The following SAMD3 variants were observed in gnomAD, a reference collection of about 807,000 sequenced individuals.
SAMD3 encodes the protein sterile alpha motif domain containing 3.
A neutral mutation model predicts 58.5 loss-of-function variants in SAMD3; 63 were observed. The observed-to-expected ratio is 1.08, with a 90% CI of 0.88 to 1.33. The LOEUF (loss-of-function observed/expected upper bound fraction) is 1.33. Among genes scored for constraint, SAMD3 ranks in the 40% most tolerant of loss-of-function variants. SAMD3 has a pLI of 0.00. For synonymous variants in SAMD3, 220 were observed against 210.3 expected (o/e 1.05, Z -0.40); for missense variants, 604 against 608.4 (o/e 0.99, Z 0.08).
intron 8 of SAMD3, among the ~76,000 whole-genome samples, chr6:130,174,190 CTG>C (rs1791511042): frequency 6.6e-6 from 1 of 152,148 alleles, no homozygotes; most frequent in South Asian, 2.1e-4. Flanking sequence ...TTGAACAGTT[CTG>C]TCTCACTGGG....
At chr6:130,154,802 A>T in intron 9 of SAMD3, 23 bp downstream of exon 9, 1 of 1,254,010 alleles carries the variant, frequency 8.0e-7, no homozygotes, top group Non-Finnish European at 1.1e-6. Context: ...ATGTGTGTGT[A>T]TATATATATA....
intron 7 of SAMD3, among the ~76,000 whole-genome samples, chr6:130,177,839 C>T: frequency 6.6e-6 from 1 of 152,150 alleles, no homozygotes; most frequent in East Asian, 1.9e-4. Flanking sequence ...ATGCTAGAAA[C>T]TATAAATGTT....
intron 1 of SAMD3, among the ~76,000 whole-genome samples, chr6:130,334,314 G>A (rs1390361388): frequency 6.6e-6 from 1 of 151,920 alleles, no homozygotes; most frequent in Non-Finnish European, 1.5e-5. Context: ...TAAGCCATGG[G>A]CATATTATTA....
At chr6:130,246,506 T>C (rs1271215465) in intron 2 of SAMD3, among the ~76,000 whole-genome samples, 1 of 130,798 alleles carries the variant, frequency 7.6e-6, no homozygotes, top group Non-Finnish European at 1.5e-5. Context: ...GCACTTGTAT[T>C]GGTATTTTTT....
At chr6:130,233,966 TC>T (rs561819317) in intron 2 of SAMD3, among the ~76,000 whole-genome samples, 245 of 152,340 alleles carry the variant, frequency 1.6e-3, no homozygotes, top group Middle Eastern at 6.8e-3. Flanking sequence ...TAGAATGAAT[TC>T]CCCAGAGAAT....
chr6:130,318,766 G>A (rs537880305), intron 1 of SAMD3, among the ~76,000 whole-genome samples: 1 of 152,116 alleles, frequency 6.6e-6, no homozygotes, highest in African/African-American at 2.4e-5. Flanking sequence ...AAAGACACAG[G>A]AAAACAGGGC....
intron 2 of SAMD3, among the ~76,000 whole-genome samples, chr6:130,306,697 T>C (rs976366539): frequency 2.0e-5 from 3 of 152,164 alleles, no homozygotes; most frequent in African/African-American, 7.2e-5. Flanking sequence ...CAAAGATAAG[T>C]GTATACAGGG....
chr6:130,165,258 C>T (rs752603845), intron 8 of SAMD3, among the ~76,000 whole-genome samples: 7 of 152,020 alleles, frequency 4.6e-5, no homozygotes, highest in South Asian at 2.1e-4. Context: ...TTATTTAAAA[C>T]GCTTAAAGCA....
chr6:130,178,285 C>T (rs1360946616), intron 7 of SAMD3, among the ~76,000 whole-genome samples: 1 of 152,072 alleles, frequency 6.6e-6, no homozygotes, highest in East Asian at 1.9e-4. Flanking sequence ...GCTGGCCCAA[C>T]CCTTCTTGAA....
intron 2 of SAMD3, among the ~76,000 whole-genome samples, chr6:130,311,452 C>T (rs1776157996): frequency 6.6e-6 from 1 of 152,074 alleles, no homozygotes; most frequent in African/African-American, 2.4e-5. Context: ...AGCAGTATTC[C>T]GAAGTTTTCT....
At chr6:130,230,652 T>G (rs190630293) in intron 2 of SAMD3, among the ~76,000 whole-genome samples, 1 of 152,312 alleles carries the variant, frequency 6.6e-6, no homozygotes, top group East Asian at 1.9e-4. Flanking sequence ...TCTCCCAAAG[T>G]GCTGGGATTA....
chr6:130,363,994 C>T (rs1173743350), intron 1 of SAMD3, among the ~76,000 whole-genome samples: 1 of 152,166 alleles, frequency 6.6e-6, no homozygotes. Flanking sequence ...TTCCCTTGAG[C>T]ACTCAAGGTC....
chr6:130,339,525 C>G (rs1451600503), intron 1 of SAMD3, among the ~76,000 whole-genome samples: 1 of 152,160 alleles, frequency 6.6e-6, no homozygotes, highest in Non-Finnish European at 1.5e-5. Context: ...ACTCTTCTCT[C>G]TTCTGCCACC....
At position 130,209,493 on chromosome 6, in the gene SAMD3, AC is replaced by A; in HGVS notation, c.383+1del. On this transcript the variant is annotated splice_donor_variant, in intron 5 of 11. Coordinates refer to ENST00000439090, the MANE Select transcript of SAMD3 (RefSeq NM_001017373.4). LOFTEE classifies it high-confidence loss of function. ...AAACTGTCTTAAAGTTGGTACCCCC[AC>A]CTCTGTTTCAATACTCTTTGGTCAA... 6.4e-7 allele frequency: 1 copy of A among 1,552,788 alleles called. No individual in the cohort carries two copies. The highest frequency in any genetic ancestry group is 8.9e-7 in the Non-Finnish European group (1 of 1,124,660).
At chr6:130,299,587 C>T (rs1775679075) in intron 2 of SAMD3, among the ~76,000 whole-genome samples, 1 of 151,916 alleles carries the variant, frequency 6.6e-6, no homozygotes, top group Non-Finnish European at 1.5e-5. Context: ...ACAAAGCTAA[C>T]AGAAGAAAAG....
At chr6:130,211,276 A>ATTTT (rs762531402) in intron 4 of SAMD3, among the ~76,000 whole-genome samples, 1 of 93,848 alleles carries the variant, frequency 1.1e-5, no homozygotes, top group Non-Finnish European at 2.3e-5. Flanking sequence ...GCCAATCAGA[A>ATTTT]TTTTTTTTTT....
chr6:130,233,106 G>A (rs937505245), intron 2 of SAMD3, among the ~76,000 whole-genome samples: 2 of 152,120 alleles, frequency 1.3e-5, no homozygotes, highest in Non-Finnish European at 1.5e-5. Context: ...CCCCACTTCA[G>A]GCACCAACTG....
chr6:130,188,351 C>T (rs1259357322), intron 5 of SAMD3, among the ~76,000 whole-genome samples: 4 of 152,082 alleles, frequency 2.6e-5, no homozygotes, highest in Admixed American at 6.5e-5. Context: ...TACATGAGGG[C>T]GGGGACTTTT....
intron 2 of SAMD3, among the ~76,000 whole-genome samples, chr6:130,251,109 C>G (rs1414769328): frequency 6.6e-6 from 1 of 152,138 alleles, no homozygotes; most frequent in Non-Finnish European, 1.5e-5. Context: ...TATTATCTGT[C>G]TTTTTGATTA....
Sources: gnomAD v4.1 joint callset for allele counts (sites outside exome capture counted in the v4.1 genomes callset) on GRCh38, gnomAD v4.1.1 for gene constraint, MANE v1.5 for transcripts, NCBI Gene and HGNC (gene_info 2026-07-23, HGNC 2026-07-21) for gene names.